DMD: variants seen among roughly 807,000 people sequenced by gnomAD.
DMD encodes the protein dystrophin, also known as mutant dystrophin.
In DMD, 63 loss-of-function variants were observed where a neutral mutation model predicts 330.1. That is an observed-to-expected ratio of 0.19 (90% CI 0.16 to 0.24). The LOEUF is 0.24. Ranked by LOEUF, DMD falls within the 10% of genes least tolerant of loss-of-function variation. The probability of loss-of-function intolerance (pLI) is 1.00; values close to 1 mark genes in which losing one functional copy is unlikely to be tolerated. For synonymous variants in DMD, 1,223 were observed against 959.8 expected (o/e 1.27, Z -5.07); for missense variants, 3,344 against 2,684.1 (o/e 1.25, Z -5.43).
intron 2 of DMD, among the ~76,000 whole-genome samples, chrX:32,980,293 G>A (rs2092670071): frequency 9.9e-6 from 1 of 101,522 alleles, no homozygotes; most frequent in Non-Finnish European, 2.0e-5. Flanking sequence ...TTGAACCCAG[G>A]AGGCGGAGGT....
intron 67 of DMD, among the ~76,000 whole-genome samples, chrX:31,196,427 A>G (rs1302513557): frequency 4.5e-5 from 5 of 111,493 alleles, no homozygotes; most frequent in Admixed American, 9.5e-5. Context: ...AGGAATGTCT[A>G]TGGAACCAAA....
chrX:32,736,169 T>C (rs1485456661), intron 7 of DMD, among the ~76,000 whole-genome samples: 2 of 112,267 alleles, frequency 1.8e-5, no homozygotes, highest in Non-Finnish European at 3.8e-5. Flanking sequence ...GAAAAAATGC[T>C]CATCATCACT....
chrX:32,752,326 G>T (rs1432530303), intron 7 of DMD, among the ~76,000 whole-genome samples: 2 of 111,285 alleles, frequency 1.8e-5, no homozygotes, highest in Non-Finnish European at 3.8e-5. Flanking sequence ...GCATGACCTG[G>T]ATGTGAGATA....
intron 43 of DMD, among the ~76,000 whole-genome samples, chrX:32,219,243 A>G (rs888239945): frequency 1.8e-5 from 2 of 112,131 alleles, no homozygotes; most frequent in Non-Finnish European, 3.8e-5. Flanking sequence ...ATAATTTAGC[A>G]TTCATATATT....
intron 1 of DMD, among the ~76,000 whole-genome samples, chrX:33,331,102 G>A (rs185797221): frequency 3.6e-5 from 4 of 112,262 alleles, no homozygotes; most frequent in Non-Finnish European, 7.5e-5. Flanking sequence ...TTTGTTGGAT[G>A]AATGAAAAGC....
chrX:31,613,495 G>A (rs1399152447), intron 55 of DMD, among the ~76,000 whole-genome samples: 1 of 111,606 alleles, frequency 9.0e-6, no homozygotes, highest in African/African-American at 3.3e-5. Flanking sequence ...GATATCAACT[G>A]AAACAGGGAT....
intron 45 of DMD, among the ~76,000 whole-genome samples, chrX:31,960,357 G>A (rs946675270): frequency 1.8e-5 from 2 of 110,845 alleles, no homozygotes; most frequent in Non-Finnish European, 3.8e-5. Context: ...TAGGTTTGGA[G>A]TGGGAATTGG....
chrX:33,127,687 T>A (rs1352600023), intron 1 of DMD, among the ~76,000 whole-genome samples: 1 of 65,803 alleles, frequency 1.5e-5, no homozygotes, highest in Non-Finnish European at 2.9e-5. Context: ...GAAACACAGG[T>A]TTTTCTATTG....
intron 9 of DMD, among the ~76,000 whole-genome samples, chrX:32,693,986 C>T (rs147951920): frequency 8.9e-6 from 1 of 111,791 alleles, no homozygotes; most frequent in Non-Finnish European, 1.9e-5. Context: ...TTAGGATTTC[C>T]CAGACATCGT....
rs755198028 is a variant in DMD, at chrX:31,488,701, T to C, written c.8547+8087A>G. On this transcript the variant is annotated intron_variant, in intron 57 of 78. Coordinates refer to ENST00000357033, the MANE Select transcript of DMD (RefSeq NM_004006.3). Reference sequence around the variant, plus strand: ...AAATAATTATTCACCATACCTATCATTTCCACTCTAGTCCAAGTAATCATT... The same window carrying C: ...AAATAATTATTCACCATACCTATCACTTCCACTCTAGTCCAAGTAATCATT... Among the ~76,000 whole-genome samples the C allele has an allele frequency of 7.1e-5, 8 of 112,153 alleles. No individual in the cohort carries two copies. In the South Asian group the frequency reaches 2.6e-3, roughly 37 times the overall value.
intron 44 of DMD, among the ~76,000 whole-genome samples, chrX:32,174,527 T>A (rs1161327791): frequency 8.9e-6 from 1 of 112,056 alleles, no homozygotes; most frequent in East Asian, 2.8e-4. Flanking sequence ...CTATGACTGC[T>A]TCAACATTCT....
chrX:31,860,562 A>C (rs2093682357), intron 48 of DMD, among the ~76,000 whole-genome samples: 1 of 112,327 alleles, frequency 8.9e-6, no homozygotes, highest in South Asian at 3.6e-4. Flanking sequence ...TCAGTATGCT[A>C]ATACAACTGG....
chrX:32,478,142 G>T (rs2041434676), intron 21 of DMD, among the ~76,000 whole-genome samples: 1 of 111,376 alleles, frequency 9.0e-6, no homozygotes, highest in South Asian at 3.7e-4. Flanking sequence ...TTTAGGGGGA[G>T]AAAGAGATGA....
intron 1 of DMD, among the ~76,000 whole-genome samples, chrX:33,254,774 G>A (rs1282943852): frequency 9.1e-6 from 1 of 110,013 alleles, no homozygotes; most frequent in Admixed American, 9.7e-5. Context: ...AGGTGGTTTT[G>A]GATAAAGGTT....
intron 9 of DMD, among the ~76,000 whole-genome samples, chrX:32,675,018 C>A (rs138111612): frequency 0.011 from 1,198 of 111,516 alleles, 11 homozygotes; most frequent in African/African-American, 0.035. Context: ...CTAATATGTA[C>A]TTATATCATC....
At chrX:33,019,744 GC>G (rs1387040651) in intron 2 of DMD, among the ~76,000 whole-genome samples, 1 of 111,221 alleles carries the variant, frequency 9.0e-6, no homozygotes, top group African/African-American at 3.3e-5. Flanking sequence ...CAATTATATT[GC>G]TTTTCTTGAA....
At chrX:32,544,106 A>AGGTCT (rs1471597054) in intron 17 of DMD, among the ~76,000 whole-genome samples, 1 of 111,948 alleles carries the variant, frequency 8.9e-6, no homozygotes, top group Non-Finnish European at 1.9e-5. Context: ...TTTGGTTAGC[A>AGGTCT]GGTCTTAGTT....
intron 2 of DMD, among the ~76,000 whole-genome samples, chrX:32,992,330 G>T (rs1373464269): frequency 8.9e-6 from 1 of 111,868 alleles, no homozygotes; most frequent in Non-Finnish European, 1.9e-5. Flanking sequence ...AGTAATAAAA[G>T]AAGTGCTAGT....
At position 32,820,477 on chromosome X, in the gene DMD, A is replaced by T. The variant is rs185711183; in HGVS notation, c.357+2818T>A. On this transcript the variant is annotated intron_variant, in intron 5 of 78. Coordinates refer to ENST00000357033, the MANE Select transcript of DMD (RefSeq NM_004006.3). ...AATAAAAAAATAATAATAAATGAACAACTTGCAAGCAAGTGAAGAAATTAT... is the reference window on the plus strand; with the variant it reads ...AATAAAAAAATAATAATAAATGAACTACTTGCAAGCAAGTGAAGAAATTAT... 5.4e-5 allele frequency among the ~76,000 whole-genome samples: 6 copies of T among 111,941 alleles called. No homozygotes were observed. In the East Asian group the frequency reaches 1.7e-3, roughly 31 times the overall value.
Sources: gnomAD v4.1 joint callset for allele counts (sites outside exome capture counted in the v4.1 genomes callset) on GRCh38, gnomAD v4.1.1 for gene constraint, MANE v1.5 for transcripts, NCBI Gene and HGNC (gene_info 2026-07-23, HGNC 2026-07-21) for gene names.